The following ZNF91 variants were observed in gnomAD, a reference collection of about 807,000 sequenced individuals.
ZNF91 encodes the protein zinc finger protein 91 (HPF7, HTF10).
A neutral mutation model predicts 12.6 loss-of-function variants in ZNF91; 7 were observed. The ratio of observed to expected loss-of-function variants is 0.55; its 90% CI spans 0.31 to 1.04. ZNF91 has a LOEUF of 1.04. ZNF91 is among the 50% of genes least tolerant of loss of function. The pLI is 0.05. For missense variants in ZNF91, 1,217 were observed against 1,385.4 expected (o/e 0.88, Z 1.93); for synonymous variants, 453 against 462.6 (o/e 0.98, Z 0.27).
intron 2 of ZNF91, chr19:23,308,873 T>C (rs1967431392): frequency 6.6e-6 from 1 of 152,312 alleles, no homozygotes; most frequent in Admixed American, 6.5e-5. Flanking sequence ...TCTTTTTTAC[T>C]GCTTGGGCTT....
At chr19:23,356,516 A>G (rs975467153), downstream of ZNF91, among the ~76,000 whole-genome samples, 1 of 152,176 alleles carries the variant, frequency 6.6e-6, no homozygotes, top group East Asian at 1.9e-4. Context: ...GTTCTCACTG[A>G]TATGTGGGAG....
chr19:23,323,396 CCCT>C (rs1448142754), intron 1 of ZNF91, among the ~76,000 whole-genome samples: 2 of 134,352 alleles, frequency 1.5e-5, no homozygotes, highest in African/African-American at 5.9e-5. Context: ...ACTCTCTTCC[CCCT>C]CCTTTTCTTT....
At position 23,347,119 on chromosome 19, in the gene ZNF91, C is replaced by T. The variant is rs188275410; in HGVS notation, c.254-8065G>A. On this transcript the variant is annotated intron_variant, in intron 3 of 3. Coordinates refer to the ZNF91 transcript ENST00000599743. The stretch of plus-strand genomic sequence containing the variant: ...CTGGCTATGCTATAGTGTCACCCCC[C>T]CTACACACTGTTCAAGCCAATATGC... Among the ~76,000 whole-genome samples the T allele has an allele frequency of 2.7e-3, 406 of 152,180 alleles. 1 individual carries two copies. The highest frequency in any genetic ancestry group is 0.01 in the Middle Eastern group (3 of 294).
intron 1 of ZNF91, among the ~76,000 whole-genome samples, chr19:23,309,291 C>T (rs1370952449): frequency 6.6e-6 from 1 of 152,016 alleles, no homozygotes; most frequent in African/African-American, 2.4e-5. Context: ...ATCTTTGCAC[C>T]CATCACCTAA....
At chr19:23,377,085 T>C (rs1415221507) in intron 1 of ZNF91, among the ~76,000 whole-genome samples, 1 of 152,136 alleles carries the variant, frequency 6.6e-6, no homozygotes, top group South Asian at 2.1e-4. Context: ...TTCTCTTTTT[T>C]TTTTGTCCTC....
chr19:23,380,810 T>C (rs1170758084), intron 1 of ZNF91: 1 of 152,208 alleles, frequency 6.6e-6, no homozygotes, highest in Non-Finnish European at 1.5e-5. Flanking sequence ...TGCTCTCTAA[T>C]CTGCTGCCCA....
At chr19:23,329,519 T>C (rs1324575930) in intron 1 of ZNF91, among the ~76,000 whole-genome samples, 1 of 152,238 alleles carries the variant, frequency 6.6e-6, no homozygotes, top group Non-Finnish European at 1.5e-5. Context: ...GAAAATAAAG[T>C]TTATGTAGTA....
upstream of ZNF91, among the ~76,000 whole-genome samples, chr19:23,311,451 G>A (rs1181711624): frequency 1.3e-5 from 2 of 152,046 alleles, no homozygotes; most frequent in African/African-American, 2.4e-5. Context: ...CTCTTCTGCC[G>A]GTCTTGCCAA....
downstream of ZNF91, among the ~76,000 whole-genome samples, chr19:23,353,330 G>A (rs1256866168): frequency 2.6e-5 from 4 of 152,154 alleles, no homozygotes; most frequent in Non-Finnish European, 5.9e-5. Context: ...CAAATTCATG[G>A]AAATTAAATA....
Position 23,365,236 on chromosome 19 carries a change from T to A in ZNF91, c.254-2511A>T, listed in dbSNP as rs138274741. ...AATTTATTTCACTTTAAAAAGAAGA[T>A]GAAAATAAAAAATTTCCAAAATAAA... is the stretch of plus-strand genomic sequence containing the variant. On this transcript the variant is annotated intron_variant, in intron 3 of 3. Coordinates refer to ENST00000300619, the MANE Select transcript of ZNF91 (RefSeq NM_003430.4). Among the ~76,000 whole-genome samples, 40 of 149,734 alleles carry A rather than the reference T, an allele frequency of 2.7e-4. No individual in the cohort carries two copies. The East Asian group carries it at 7.3e-3, about 27-fold the overall frequency.
At chr19:23,315,833 T>C (rs1442889934) in intron 1 of ZNF91, among the ~76,000 whole-genome samples, 5 of 152,122 alleles carry the variant, frequency 3.3e-5, no homozygotes, top group African/African-American at 7.2e-5. Context: ...TCAGGAAGTA[T>C]TGTAGGAAAT....
Position 23,360,203 on chromosome 19 carries a change from T to G in ZNF91, c.2776A>C (p.Thr926Pro). Residue 926 changes from threonine to proline, a missense_variant, in exon 4 of 4, where the codon ACT (threonine) becomes CCT (proline). Physicochemically the swap from Thr to Pro is conservative, Grantham distance 38. Coordinates refer to ENST00000300619, the MANE Select transcript of ZNF91 (RefSeq NM_003430.4). ...GKAFSQPSHLTTHKRMHTGEK... is the reference protein window; with the variant it reads ...GKAFSQPSHLPTHKRMHTGEK... Reference sequence around the variant, plus strand: ...CCAGTGTGCATCCTCTTATGTGTAGTAAGGTGTGAAGGCTGGCTAAATGCT... The same window carrying G: ...CCAGTGTGCATCCTCTTATGTGTAGGAAGGTGTGAAGGCTGGCTAAATGCT... 2 of 1,613,910 alleles carry G rather than the reference T, an allele frequency of 1.2e-6. No homozygotes were observed. Among genetic ancestry groups the G allele is most frequent in the Non-Finnish European group, 1.7e-6 (2 of 1,179,994 alleles).
upstream of ZNF91, among the ~76,000 whole-genome samples, chr19:23,314,527 C>T (rs1967521161): frequency 6.6e-6 from 1 of 152,138 alleles, no homozygotes; most frequent in Non-Finnish European, 1.5e-5. Flanking sequence ...GTCCACAGTG[C>T]GAGTTGTGAC....
intron 1 of ZNF91, among the ~76,000 whole-genome samples, chr19:23,329,608 C>T (rs950741532): frequency 2.6e-5 from 4 of 152,190 alleles, no homozygotes; most frequent in Non-Finnish European, 5.9e-5. Context: ...ATTCATTTTA[C>T]CCCTTTCACA....
At position 23,359,980 on chromosome 19, in the gene ZNF91, C is replaced by A; in HGVS notation, c.2999G>T (p.Gly1000Val). 1 of 1,613,622 alleles carries A rather than the reference C, an allele frequency of 6.2e-7. No individual in the cohort carries two copies. The highest frequency in any genetic ancestry group is 8.5e-7 in the Non-Finnish European group (1 of 1,179,958). ...GEKPYKCEEC[G>V]KAFSQSSTLT... ...GGTTGAGGATTGGCTAAATGCTTTG[C>A]CACATTCTTCACATTTGTAGGGTTT... The change falls in exon 4 of 4, where the codon GGC becomes GTC. Residue 1000 changes from glycine to valine, a missense_variant. Gly to Val is a moderately radical substitution (Grantham distance 109). Transcript: ENST00000300619.
At chr19:23,312,880 G>A (rs749291185), upstream of ZNF91, among the ~76,000 whole-genome samples, 2 of 152,174 alleles carry the variant, frequency 1.3e-5, no homozygotes, top group Non-Finnish European at 2.9e-5. Context: ...CATGAACACA[G>A]CCCATTGTTA....
intron 3 of ZNF91, among the ~76,000 whole-genome samples, chr19:23,305,813 C>G: frequency 6.6e-6 from 1 of 152,188 alleles, no homozygotes; most frequent in East Asian, 1.9e-4. Context: ...AAGCAAGGTC[C>G]AGAAATGTTA....
chr19:23,317,208 GCTAA>G (rs1373738154), intron 1 of ZNF91, among the ~76,000 whole-genome samples: 2 of 152,056 alleles, frequency 1.3e-5, no homozygotes, highest in African/African-American at 2.4e-5. Context: ...ACCATGCCTG[GCTAA>G]CTATTTTTTG....
At chr19:23,382,049 C>CAAAAAAAAAAAAAAAAAAAAA (rs60814223) in intron 1 of ZNF91, among the ~76,000 whole-genome samples, 5 of 79,402 alleles carry the variant, frequency 6.3e-5, no homozygotes, top group African/African-American at 8.1e-5. Flanking sequence ...AATCCTGAGA[C>CAAAAAAAAAAAAAAAAAAAAA]AAAAAAAAAA....
Sources: gnomAD v4.1 joint callset for allele counts (sites outside exome capture counted in the v4.1 genomes callset) on GRCh38, gnomAD v4.1.1 for gene constraint, MANE v1.5 for transcripts, NCBI Gene and HGNC (gene_info 2026-07-23, HGNC 2026-07-21) for gene names.